Variants in PPP4R2 observed in about 807,000 individuals in gnomAD.
PPP4R2 encodes the protein protein phosphatase 4 regulatory subunit 2, also known as serine/threonine-protein phosphatase 4 regulatory subunit 2.
In PPP4R2, 13 loss-of-function variants were observed where a neutral mutation model predicts 47.2. The ratio of observed to expected loss-of-function variants is 0.28; its 90% confidence interval spans 0.18 to 0.44. PPP4R2 has a LOEUF of 0.44. Among genes scored for constraint, PPP4R2 ranks in the 20% least tolerant of loss-of-function variants. The pLI, the probability that PPP4R2 is intolerant of heterozygous loss-of-function variation, is 1.00. For missense variants in PPP4R2, 421 were observed against 491.2 expected (o/e 0.86, Z 1.35); for synonymous variants, 151 against 163.3 (o/e 0.92, Z 0.57).
At chr3:73,004,844 GGTGTGTGTGT>G (rs751819640) in intron 2 of PPP4R2, among the ~76,000 whole-genome samples, 4 of 99,390 alleles carry the variant, frequency 4.0e-5, no homozygotes, top group South Asian at 3.0e-4. Flanking sequence ...TACAGTGTGG[GGTGTGTGTGT>G]GTGTGTGTGT....
At chr3:72,999,339 T>C (rs1052364133) in intron 2 of PPP4R2, among the ~76,000 whole-genome samples, 2 of 152,244 alleles carry the variant, frequency 1.3e-5, no homozygotes, top group African/African-American at 2.4e-5. Flanking sequence ...TTTGTGCTTA[T>C]ATAGATAAGC....
At chr3:73,052,383 G>A (rs1450101878) in intron 3 of PPP4R2, among the ~76,000 whole-genome samples, 2 of 151,574 alleles carry the variant, frequency 1.3e-5, no homozygotes, top group Non-Finnish European at 2.9e-5. Context: ...TAAAATGAAC[G>A]AAACTAAAAA....
chr3:73,026,842 C>G (rs1467292100), intron 2 of PPP4R2, among the ~76,000 whole-genome samples: 1 of 152,096 alleles, frequency 6.6e-6, no homozygotes, highest in Non-Finnish European at 1.5e-5. Flanking sequence ...GTTCCTGTAA[C>G]TAGATGTCAT....
At chr3:73,012,332 C>T (rs1481976308) in intron 2 of PPP4R2, among the ~76,000 whole-genome samples, 2 of 152,018 alleles carry the variant, frequency 1.3e-5, no homozygotes, top group Non-Finnish European at 1.5e-5. Flanking sequence ...CGGAGTCTTG[C>T]TCTGTCACCC....
At chr3:73,028,882 A>G (rs930019375) in intron 2 of PPP4R2, among the ~76,000 whole-genome samples, 1 of 152,164 alleles carries the variant, frequency 6.6e-6, no homozygotes, top group Non-Finnish European at 1.5e-5. Context: ...GGGGAAATAT[A>G]ATGTAGGGCA....
chr3:73,011,557 TC>T (rs1701724919), intron 2 of PPP4R2, among the ~76,000 whole-genome samples: 1 of 152,162 alleles, frequency 6.6e-6, no homozygotes, highest in African/African-American at 2.4e-5. Flanking sequence ...CTGAGATTTT[TC>T]AAGTGGCTTA....
intron 2 of PPP4R2, among the ~76,000 whole-genome samples, chr3:72,998,383 C>G (rs1023384331): frequency 6.6e-6 from 1 of 152,080 alleles, no homozygotes; most frequent in African/African-American, 2.4e-5. Context: ...TTAAAATTTT[C>G]TTTATAGCTA....
At chr3:73,011,641 T>C (rs1255575008) in intron 2 of PPP4R2, among the ~76,000 whole-genome samples, 1 of 152,194 alleles carries the variant, frequency 6.6e-6, no homozygotes, top group African/African-American at 2.4e-5. Flanking sequence ...GTCAATAAGA[T>C]AGATGACTGA....
chr3:73,061,275 T>C, intron 5 of PPP4R2: 1 of 267,654 alleles, frequency 3.7e-6, no homozygotes, highest in South Asian at 1.4e-4. Flanking sequence ...ATTAAAGAGA[T>C]TGGTGATTTA....
intron 2 of PPP4R2, among the ~76,000 whole-genome samples, chr3:73,019,780 T>C (rs536728179): frequency 6.6e-6 from 1 of 152,100 alleles, no homozygotes; most frequent in East Asian, 1.9e-4. Flanking sequence ...GTATACTTGC[T>C]CTCTCTCTTC....
intron 2 of PPP4R2, chr3:73,015,815 T>G (rs762036766): frequency 1.2e-4 from 53 of 444,364 alleles, no homozygotes; most frequent in Non-Finnish European, 2.2e-4. Flanking sequence ...TTTTTTTGTG[T>G]GTTTAGTAGA....
rs1440851485 is a variant in PPP4R2 at position 73,068,800 on chromosome 3, A to G, written c.*3078A>G. 1.3e-5 allele frequency: 2 copies of G among 152,260 alleles called. No individual in the cohort carries two copies. Among genetic ancestry groups the G allele is most frequent in the African/African-American group, 4.8e-5 (2 of 41,468 alleles). 9.4% of individuals were successfully genotyped at this position (152,260 alleles called of 1,614,324 possible). A position where few individuals can be genotyped will look rare whatever the true frequency, so the allele number is the denominator to read the frequency against. On this transcript the variant is annotated 3_prime_UTR_variant, in exon 9 of 9. Coordinates refer to ENST00000356692, the MANE Select transcript of PPP4R2 (RefSeq NM_174907.4). ...TACTTGGGCAGAATCTAAAGCTGCTACAATGTTTGATTATGAAAAAAATGT... is the reference window on the plus strand; with the variant it reads ...TACTTGGGCAGAATCTAAAGCTGCTGCAATGTTTGATTATGAAAAAAATGT...
intron 2 of PPP4R2, among the ~76,000 whole-genome samples, chr3:73,034,468 C>T (rs1353815251): frequency 6.6e-6 from 1 of 152,184 alleles, no homozygotes; most frequent in Non-Finnish European, 1.5e-5. Context: ...ATCCTAGCTC[C>T]ATTTGATAAC....
chr3:73,003,809 C>A (rs1255367229), intron 2 of PPP4R2, among the ~76,000 whole-genome samples: 1 of 151,624 alleles, frequency 6.6e-6, no homozygotes, highest in African/African-American at 2.4e-5. Flanking sequence ...AGCGATTTTT[C>A]TGCCACAGCC....
intron 2 of PPP4R2, among the ~76,000 whole-genome samples, chr3:73,020,140 T>C (rs190459230): frequency 2.0e-5 from 3 of 152,324 alleles, no homozygotes. Context: ...CAGTCTAAGA[T>C]AAGTGTGCCA....
chr3:73,011,287 C>A (rs548512209), intron 2 of PPP4R2, among the ~76,000 whole-genome samples: 1 of 152,270 alleles, frequency 6.6e-6, no homozygotes. Context: ...CGAGACTAGC[C>A]TGGCTAACAT....
intron 2 of PPP4R2, among the ~76,000 whole-genome samples, chr3:73,022,172 C>T (rs977824070): frequency 6.6e-5 from 10 of 152,080 alleles, no homozygotes. Context: ...GCTGTGATTA[C>T]AGGCACGAAC....
chr3:73,005,912 A>T (rs1701600764), intron 2 of PPP4R2, among the ~76,000 whole-genome samples: 1 of 152,034 alleles, frequency 6.6e-6, no homozygotes, highest in Non-Finnish European at 1.5e-5. Flanking sequence ...CAGGTTGCTA[A>T]GTTTTCATAT....
chr3:72,997,866 G>C (rs538216970), intron 1 of PPP4R2, among the ~76,000 whole-genome samples: 2 of 152,230 alleles, frequency 1.3e-5, no homozygotes, highest in Non-Finnish European at 2.9e-5. Flanking sequence ...GAAGTTGAGT[G>C]CCCCCTTTAG....
Sources: gnomAD v4.1 joint callset for allele counts (sites outside exome capture counted in the v4.1 genomes callset) on GRCh38, gnomAD v4.1.1 for gene constraint, MANE v1.5 for transcripts, NCBI Gene and HGNC (gene_info 2026-07-23, HGNC 2026-07-21) for gene names.